TMA7: variants seen among roughly 807,000 people sequenced by gnomAD.
The protein encoded by TMA7 is translation machinery associated 7 homolog, also known as translation machinery-associated protein 7.
Under a neutral mutation model 12.5 loss-of-function variants are expected in TMA7, and 5 were observed. That is an observed-to-expected ratio of 0.40 (90% CI 0.21 to 0.84). The LOEUF (loss-of-function observed/expected upper bound fraction) is 0.84. TMA7 is among the 40% of genes least tolerant of loss of function. TMA7 has a pLI of 0.36. For synonymous variants in TMA7, 36 were observed against 28.1 expected (o/e 1.28, Z -0.89); for missense variants, 71 against 75.4 (o/e 0.94, Z 0.22).
intron 3 of TMA7, among the ~76,000 whole-genome samples, chr3:48,441,208 GC>G (rs1453031703): frequency 6.6e-6 from 1 of 151,908 alleles, no homozygotes; most frequent in Admixed American, 6.6e-5. Flanking sequence ...ACGGAGTGCG[GC>G]TAATTTTTGT....
intron 3 of TMA7, among the ~76,000 whole-genome samples, chr3:48,443,038 G>A (rs1029208225): frequency 1.3e-5 from 2 of 151,644 alleles, no homozygotes; most frequent in African/African-American, 2.4e-5. Context: ...TCTGGAGTTC[G>A]AGACCTGCCT....
chr3:48,443,730 GT>G, intron 3 of TMA7, 117 bp from the exon 4 acceptor site: 1 of 670,774 alleles, frequency 1.5e-6, no homozygotes, highest in African/African-American at 1.9e-5. Flanking sequence ...ATCCATGCTT[GT>G]GTTAAAGTGA....
At chr3:48,441,961 C>T (rs150618193) in intron 3 of TMA7, among the ~76,000 whole-genome samples, 1 of 152,302 alleles carries the variant, frequency 6.6e-6, no homozygotes, top group Non-Finnish European at 1.5e-5. Flanking sequence ...GGGCCAGGCA[C>T]AGAATGGGCT....
In TMA7 at chr3:48,442,612, C is replaced by A. The variant is rs35215722; in HGVS notation, c.161-1236C>A. 2.6e-5 allele frequency among the ~76,000 whole-genome samples: 4 copies of A among 151,274 alleles called. No individual in the cohort carries two copies. In the South Asian group the frequency reaches 8.4e-4, roughly 32 times the overall value. ...GATTACAGGCGCACACCACCATGCC[C>A]GGCTAATTTTTGTATTTTTAGTAGA... On this transcript the variant is annotated intron_variant, in intron 3 of 3. Transcript: ENST00000438607.
chr3:48,440,490 C>T (rs748933148), intron 2 of TMA7, 32 bp downstream of exon 2: 9 of 1,602,544 alleles, frequency 5.6e-6, no homozygotes, highest in Non-Finnish European at 7.7e-6. Flanking sequence ...CTGGCGGGTG[C>T]GGGGGCGCTG....
At position 48,440,466 on chromosome 3, in the gene TMA7, C is replaced by A; in HGVS notation, c.72+8C>A. On this transcript the variant is annotated splice_region_variant and intron_variant, in intron 2 of 3. Transcript: ENST00000438607. ...GCCAAGGAGATGGACGAGGTGAGGG[C>A]GGGCGCGGAGGCACTGGCGGGTGCG... The A allele has an allele frequency of 6.2e-7, 1 of 1,611,660 alleles. No homozygotes were observed. Among genetic ancestry groups the A allele is most frequent in the Non-Finnish European group, 8.5e-7 (1 of 1,179,474 alleles).
chr3:48,441,485 C>CTT (rs35268029), intron 3 of TMA7, among the ~76,000 whole-genome samples: 252 of 145,486 alleles, frequency 1.7e-3, no homozygotes, highest in African/African-American at 4.2e-3. Flanking sequence ...ACCTGGCCAA[C>CTT]TTTTTTTTTT....
At chr3:48,443,337 CAGGAGTTCG>C (rs1482568151) in intron 3 of TMA7, among the ~76,000 whole-genome samples, 1 of 150,864 alleles carries the variant, frequency 6.6e-6, no homozygotes, top group Non-Finnish European at 1.5e-5. Flanking sequence ...CACCTGAGGT[CAGGAGTTCG>C]AGACCAGCCT....
Position 48,440,281 on chromosome 3 carries a change from A to G in TMA7, c.-16A>G. ...CGTTTCCGGTGGCAGGGTCTGGGGA[A>G]GCGGCGGCAGGCGCCATGTCCGGCC... On this transcript the variant is annotated 5_prime_UTR_variant, in exon 1 of 4. Transcript: ENST00000438607. 10 of 1,600,022 alleles carry G rather than the reference A, an allele frequency of 6.2e-6. No homozygotes were observed. Among genetic ancestry groups the G allele is most frequent in the Non-Finnish European group, 8.5e-6 (10 of 1,173,158 alleles).
intron 3 of TMA7, chr3:48,441,004 G>T (rs981712314): frequency 1.8e-5 from 5 of 277,188 alleles, no homozygotes; most frequent in African/African-American, 2.4e-5. Flanking sequence ...ACTTGACTTA[G>T]AAGTTTTTTT....
intron 1 of TMA7, 23 bp downstream of exon 1, chr3:48,440,335 G>A (rs779673719): frequency 1.2e-6 from 2 of 1,611,880 alleles, no homozygotes; most frequent in South Asian, 2.2e-5. Context: ...GAACCGTGAG[G>A]ACTGCGGGGA....
In TMA7 at chr3:48,442,066, A is replaced by T. The variant is rs57333782; in HGVS notation, c.160+1438A>T. Among the ~76,000 whole-genome samples, 1,029 of 152,182 alleles carry T rather than the reference A, an allele frequency of 6.8e-3. 12 individuals are homozygous for T. Among genetic ancestry groups the T allele is most frequent in the African/African-American group, 0.024 (994 of 41,514 alleles). ...AAGGGAGACCCTGTCTACAGAAAAA[A>T]TTTAAAATTAGCTGGGCGTGGTGGT... On this transcript the variant is annotated intron_variant, in intron 3 of 3. Coordinates refer to ENST00000438607, the MANE Select transcript of TMA7 (RefSeq NM_015933.6).
Position 48,441,331 on chromosome 3 carries a change from A to G in TMA7, c.160+703A>G, listed in dbSNP as rs544366320. Among the ~76,000 whole-genome samples, 11 of 151,806 alleles carry G rather than the reference A, an allele frequency of 7.2e-5. No homozygotes were observed. The East Asian group carries it at 2.1e-3, about 29-fold the overall frequency. The stretch of plus-strand genomic sequence containing the variant: ...AGTGCTGGGATTGCAGGCGTGAGCC[A>G]CCGCACCTGGCCAGTTTTTTTTTGT... On this transcript the variant is annotated intron_variant, in intron 3 of 3. Transcript: ENST00000438607.
chr3:48,442,235 T>A (rs2039586810), intron 3 of TMA7, among the ~76,000 whole-genome samples: 1 of 145,224 alleles, frequency 6.9e-6, no homozygotes, highest in African/African-American at 2.6e-5. Context: ...TATTCCAGCC[T>A]GGGAGATAGA....
chr3:48,442,218 G>A (rs1447501769), intron 3 of TMA7, among the ~76,000 whole-genome samples: 4 of 149,442 alleles, frequency 2.7e-5, no homozygotes, highest in Admixed American at 6.7e-5. Context: ...CTGGGATTGC[G>A]CCACTGTATT....
rs1485988722 is a variant in TMA7 at position 48,440,544 on chromosome 3, G to C, written c.76G>C (p.Asp26His). The C allele has an allele frequency of 1.2e-6, 2 of 1,611,498 alleles. No homozygotes were observed. Among genetic ancestry groups the C allele is most frequent in the Non-Finnish European group, 1.7e-6 (2 of 1,179,572 alleles). ...KKQAKEMDEE[D>H]KAFKQKQKEE... ...AACACGCTCTGCCTCTCCCCAGGAA[G>C]ATAAGGCTTTCAAGCAGAAACAAAA... Residue 26 changes from aspartate to histidine, a missense_variant, in exon 3 of 4, where the codon GAT (aspartate) becomes CAT (histidine). Physicochemically the swap from Asp to His is moderately conservative, Grantham distance 81. Transcript: ENST00000438607.
chr3:48,443,833 A>G lies in TMA7; in HGVS notation c.161-15A>G. On this transcript the variant is annotated splice_polypyrimidine_tract_variant and intron_variant, in intron 3 of 3. Coordinates refer to ENST00000438607, the MANE Select transcript of TMA7 (RefSeq NM_015933.6). Reference sequence around the variant, plus strand: ...ACTATATTTTTCCCTAATTGTGACTATTTTTCTTTTGCAGCCACAGGTGGA... The same window carrying G: ...ACTATATTTTTCCCTAATTGTGACTGTTTTTCTTTTGCAGCCACAGGTGGA... 4 of 1,558,504 alleles carry G rather than the reference A, an allele frequency of 2.6e-6. No homozygotes were observed. Among genetic ancestry groups the G allele is most frequent in the South Asian group, 2.4e-5 (2 of 82,124 alleles).
At chr3:48,443,500 C>T (rs1272454686) in intron 3 of TMA7, among the ~76,000 whole-genome samples, 2 of 150,756 alleles carry the variant, frequency 1.3e-5, no homozygotes, top group Admixed American at 6.6e-5. Context: ...TGCCACTGCA[C>T]TGCAGCCTGG....
chr3:48,441,694 G>T (rs907577341), intron 3 of TMA7, among the ~76,000 whole-genome samples: 2 of 151,902 alleles, frequency 1.3e-5, no homozygotes, highest in Non-Finnish European at 2.9e-5. Flanking sequence ...ATATTTTTCA[G>T]GCCCAGCAGT....
Sources: gnomAD v4.1 joint callset for allele counts (sites outside exome capture counted in the v4.1 genomes callset) on GRCh38, gnomAD v4.1.1 for gene constraint, MANE v1.5 for transcripts, NCBI Gene and HGNC (gene_info 2026-07-23, HGNC 2026-07-21) for gene names.